The following NKAIN3 variants were observed in gnomAD, a reference collection of about 807,000 sequenced individuals.
The protein encoded by NKAIN3 is sodium/potassium transporting ATPase interacting 3.
In NKAIN3, 25 loss-of-function variants were observed where a neutral mutation model predicts 30.2. The observed-to-expected ratio is 0.83, with a 90% CI of 0.60 to 1.16. The LOEUF is 1.16. Ranked by LOEUF, NKAIN3 falls within the 50% of genes most tolerant of loss-of-function variation. The probability of loss-of-function intolerance (pLI) is 0.00; values close to 1 mark genes in which losing one functional copy is unlikely to be tolerated. For synonymous variants in NKAIN3, 91 were observed against 89.6 expected (o/e 1.02, Z -0.09); for missense variants, 225 against 254.1 (o/e 0.89, Z 0.78).
intron 1 of NKAIN3, among the ~76,000 whole-genome samples, chr8:62,347,259 A>C (rs886313990): frequency 7.2e-5 from 11 of 152,156 alleles, no homozygotes; most frequent in Admixed American, 6.6e-4. Context: ...AATTTATTCT[A>C]TCCAAAGAGA....
intron 4 of NKAIN3, among the ~76,000 whole-genome samples, chr8:62,912,383 T>C (rs1320609984): frequency 6.6e-6 from 1 of 152,166 alleles, no homozygotes; most frequent in Non-Finnish European, 1.5e-5. Context: ...ACTTAGGCTA[T>C]ACTACATTTA....
intron 1 of NKAIN3, among the ~76,000 whole-genome samples, chr8:62,252,443 CAT>C (rs1433556068): frequency 2.6e-5 from 4 of 152,162 alleles, no homozygotes; most frequent in African/African-American, 7.2e-5. Context: ...TTGGAGAAAA[CAT>C]ATCCTTTTCA....
chr8:62,599,578 T>C (rs748071404), intron 3 of NKAIN3, among the ~76,000 whole-genome samples: 2 of 151,990 alleles, frequency 1.3e-5, no homozygotes, highest in South Asian at 2.1e-4. Context: ...TTAACAGACA[T>C]CACAATCCTC....
Position 62,519,751 on chromosome 8 carries a change from T to C in NKAIN3, c.55-59788T>C, listed in dbSNP as rs1808099978. Among the ~76,000 whole-genome samples, 3 of 152,170 alleles carry C rather than the reference T, an allele frequency of 2.0e-5. 1 individual carries two copies. The highest frequency in any genetic ancestry group is 7.2e-5 in the African/African-American group (3 of 41,460). On this transcript the variant is annotated intron_variant, in intron 1 of 6. Transcript: ENST00000623646. ...CATTTTCAAGGTATAACACTGCTCT[T>C]ATATTCACAGCCAGTTGCATTCAAA...
At chr8:62,324,867 C>T (rs1815062330) in intron 1 of NKAIN3, among the ~76,000 whole-genome samples, 1 of 152,026 alleles carries the variant, frequency 6.6e-6, no homozygotes, top group African/African-American at 2.4e-5. Context: ...CTCTCGGCTG[C>T]AAGCTTGAAA....
At chr8:62,538,950 A>G (rs1808753579) in intron 1 of NKAIN3, among the ~76,000 whole-genome samples, 1 of 152,158 alleles carries the variant, frequency 6.6e-6, no homozygotes, top group Non-Finnish European at 1.5e-5. Flanking sequence ...TACATATTAA[A>G]TAATTGCCTG....
intron 3 of NKAIN3, among the ~76,000 whole-genome samples, chr8:62,590,034 A>T (rs1810605767): frequency 6.6e-6 from 1 of 151,624 alleles, no homozygotes; most frequent in African/African-American, 2.4e-5. Flanking sequence ...TTAGTTTGTT[A>T]TACTGAAGTG....
At chr8:62,382,661 G>A (rs529384419) in intron 1 of NKAIN3, among the ~76,000 whole-genome samples, 5 of 152,006 alleles carry the variant, frequency 3.3e-5, no homozygotes, top group Non-Finnish European at 7.4e-5. Flanking sequence ...ATGTCAATTC[G>A]TTTTCTGGCA....
intron 1 of NKAIN3, among the ~76,000 whole-genome samples, chr8:62,385,082 A>G (rs1817384541): frequency 6.6e-6 from 1 of 152,106 alleles, no homozygotes; most frequent in Non-Finnish European, 1.5e-5. Context: ...TCTTTTAGAG[A>G]AACAGACAAC....
rs145180337 is a variant in NKAIN3, at chr8:62,505,634, C to G, written c.55-73905C>G. ...AGTTGTTGAAATCAAGCACTATGAT[C>G]TGACTTTGTTGATCTTTTTTCAAAT... On this transcript the variant is annotated intron_variant, in intron 1 of 6. Transcript: ENST00000623646. Among the ~76,000 whole-genome samples the G allele has an allele frequency of 2.1e-4, 32 of 152,210 alleles. No individual in the cohort carries two copies. The East Asian group carries it at 6.0e-3, about 28-fold the overall frequency.
At chr8:62,631,422 C>G (rs1811956141) in intron 3 of NKAIN3, among the ~76,000 whole-genome samples, 1 of 152,146 alleles carries the variant, frequency 6.6e-6, no homozygotes, top group Non-Finnish European at 1.5e-5. Context: ...CCATACCCTC[C>G]CTACTGTCTA....
chr8:62,839,642 AGT>A lies in NKAIN3; in HGVS notation c.472-78807_472-78806del, dbSNP rs749446003. ...TCTGTCACCCAGGCTGGAGTGCAGT[AGT>A]GTGATCACAGTTCACTGTAACTGTG... On this transcript the variant is annotated intron_variant, in intron 4 of 6. Transcript: ENST00000623646. 2.0e-5 allele frequency among the ~76,000 whole-genome samples: 3 copies of A among 152,118 alleles called. No individual in the cohort carries two copies. In the East Asian group the frequency reaches 5.8e-4, roughly 30 times the overall value.
In NKAIN3 at chr8:62,968,564, G is replaced by A. The variant is rs1823762514; in HGVS notation, c.*3157G>A. Among the ~76,000 whole-genome samples the A allele has an allele frequency of 6.6e-6, 1 of 152,178 alleles. No individual in the cohort carries two copies. The highest frequency in any genetic ancestry group is 1.5e-5 in the Non-Finnish European group (1 of 68,040). On this transcript the variant is annotated 3_prime_UTR_variant, in exon 7 of 7. Coordinates refer to ENST00000623646, the MANE Select transcript of NKAIN3 (RefSeq NM_001304533.3). ...TATCTTAAGAGATGGTGCAGCTCTA[G>A]ATTCAATAGCTCTCCTCAGAAGTGG... is the stretch of plus-strand genomic sequence containing the variant.
chr8:62,863,950 GGTGGT>G, intron 4 of NKAIN3: 2 of 885,908 alleles, frequency 2.3e-6, no homozygotes, highest in South Asian at 2.7e-5. Flanking sequence ...CAAAGGTGGC[GGTGGT>G]GGTGGTGGAG....
intron 1 of NKAIN3, among the ~76,000 whole-genome samples, chr8:62,299,571 C>T (rs1042412792): frequency 6.6e-6 from 1 of 151,954 alleles, no homozygotes; most frequent in African/African-American, 2.4e-5. Context: ...TTATCATTAC[C>T]TTTTTTTCAT....
At chr8:62,719,397 G>T (rs538988719) in intron 3 of NKAIN3, among the ~76,000 whole-genome samples, 25 of 152,248 alleles carry the variant, frequency 1.6e-4, no homozygotes, top group Admixed American at 7.2e-4. Flanking sequence ...TTAAAAATCT[G>T]GGAACCATAA....
At chr8:62,413,931 T>G (rs1354841157) in intron 1 of NKAIN3, among the ~76,000 whole-genome samples, 1 of 152,120 alleles carries the variant, frequency 6.6e-6, no homozygotes, top group East Asian at 1.9e-4. Context: ...CTGTTTCTCA[T>G]TAATATTAGA....
chr8:62,370,279 C>G (rs565689125), intron 1 of NKAIN3, among the ~76,000 whole-genome samples: 308 of 151,960 alleles, frequency 2.0e-3, no homozygotes, highest in African/African-American at 7.3e-3. Context: ...ACAAACCAGA[C>G]CAGCAAACAA....
chr8:62,863,480 T>G, intron 4 of NKAIN3: 4 of 1,552,290 alleles, frequency 2.6e-6, no homozygotes, highest in Non-Finnish European at 3.5e-6. Context: ...CAAATGATAC[T>G]CTTCAGACAA....
Sources: allele counts gnomAD v4.1 joint callset (sites outside exome capture counted in the v4.1 genomes callset), GRCh38; gene constraint gnomAD v4.1.1; transcripts MANE v1.5; gene names NCBI Gene and HGNC (gene_info 2026-07-23, HGNC 2026-07-21).